The following NUP155 variants were observed in gnomAD, a reference collection of about 807,000 sequenced individuals.
NUP155 encodes the protein nucleoporin 155, also known as nuclear pore complex protein Nup155.
NUP155 carries 71 observed loss-of-function variants against 180.4 expected under a neutral mutation model. That is an observed-to-expected ratio of 0.39 (90% CI 0.33 to 0.48). NUP155 has a LOEUF of 0.48. NUP155 is among the 20% of genes least tolerant of loss of function. NUP155 has a pLI of 0.91. For synonymous variants in NUP155, 582 were observed against 559.5 expected (o/e 1.04, Z -0.57); for missense variants, 1,553 against 1,648.9 (o/e 0.94, Z 1.01).
At chr5:37,313,168 C>T (rs913225633) in intron 22 of NUP155, among the ~76,000 whole-genome samples, 7 of 151,964 alleles carry the variant, frequency 4.6e-5, no homozygotes, top group East Asian at 1.9e-4. Flanking sequence ...TGGTGGGTCA[C>T]GTCTGTAATC....
At chr5:37,298,125 C>T (rs1169406908) in intron 32 of NUP155, among the ~76,000 whole-genome samples, 3 of 151,724 alleles carry the variant, frequency 2.0e-5, no homozygotes, top group South Asian at 4.2e-4. Flanking sequence ...TGTAATCCCA[C>T]CTACTTGGGA....
intron 21 of NUP155, 100 bp downstream of exon 21, chr5:37,317,888 T>TTA: frequency 1.3e-6 from 1 of 795,192 alleles, no homozygotes; most frequent in South Asian, 1.4e-5. Context: ...AATATTTGTG[T>TTA]ACAAAGTACA....
intron 3 of NUP155, among the ~76,000 whole-genome samples, chr5:37,360,787 G>GC (rs1747158197): frequency 7.5e-6 from 1 of 133,210 alleles, no homozygotes; most frequent in African/African-American, 3.0e-5. Flanking sequence ...TAAAAAAAAA[G>GC]GGGGGGGGGT....
At chr5:37,359,486 C>T (rs1289195693) in intron 3 of NUP155, among the ~76,000 whole-genome samples, 1 of 152,012 alleles carries the variant, frequency 6.6e-6, no homozygotes, top group Admixed American at 6.6e-5. Context: ...GAAAAAATCT[C>T]CAGTAAACCA....
chr5:37,370,724 G>A (rs962451449), intron 1 of NUP155, 97 bp downstream of exon 1: 21 of 1,611,974 alleles, frequency 1.3e-5, no homozygotes, highest in East Asian at 6.7e-5. Flanking sequence ...ATAAATCTCA[G>A]CATATCCTCG....
intron 32 of NUP155, among the ~76,000 whole-genome samples, chr5:37,295,032 T>G (rs776270057): frequency 1.3e-5 from 2 of 152,052 alleles, no homozygotes; most frequent in Non-Finnish European, 2.9e-5. Context: ...TTAAAAAAAA[T>G]AGGTTTCCTG....
chr5:37,324,776 C>T (rs1240352077), intron 19 of NUP155, among the ~76,000 whole-genome samples: 1 of 152,170 alleles, frequency 6.6e-6, no homozygotes, highest in East Asian at 1.9e-4. Context: ...TGGTCCTGAA[C>T]TCCTGGGCTC....
intron 1 of NUP155, among the ~76,000 whole-genome samples, chr5:37,367,776 G>A (rs900502346): frequency 2.1e-4 from 31 of 150,080 alleles, no homozygotes; most frequent in African/African-American, 7.6e-4. Context: ...CTCGTGATCC[G>A]CCCACCTGGG....
At chr5:37,303,231 T>C in intron 28 of NUP155, 29 bp downstream of exon 28, 1 of 1,612,582 alleles carries the variant, frequency 6.2e-7, no homozygotes, top group Non-Finnish European at 8.5e-7. Context: ...TTTTGAATCA[T>C]TCTTCACAAT....
chr5:37,333,286 C>A (rs1422867115), intron 13 of NUP155, among the ~76,000 whole-genome samples, 177 bp downstream of exon 13: 1 of 151,732 alleles, frequency 6.6e-6, no homozygotes, highest in African/African-American at 2.4e-5. Flanking sequence ...TCTGGGGAGG[C>A]AGAGGTTGCA....
In NUP155 at chr5:37,305,093, A is replaced by T; in HGVS notation, c.3021T>A (p.Asp1007Glu). ...KKPGPPVLSS[D>E]PNMLSNEEAG... ...CTTCTTCATTACTCAGCATATTTGG[A>T]TCAGATGACAACACTGGAGGACCAG... The change falls in exon 26 of 35, where the codon GAT becomes GAA. Residue 1007 changes from aspartate to glutamate, a missense_variant. By Grantham distance (45) the Asp-to-Glu change is conservative. Coordinates refer to ENST00000231498, the MANE Select transcript of NUP155 (RefSeq NM_153485.3). The T allele has an allele frequency of 6.2e-7, 1 of 1,613,886 alleles. No homozygotes were observed. The highest frequency in any genetic ancestry group is 8.5e-7 in the Non-Finnish European group (1 of 1,180,038).
rs371935922 is a variant in NUP155, at chr5:37,299,430, C to T, written c.3682+18G>A. 112 of 1,613,812 alleles carry T rather than the reference C, an allele frequency of 6.9e-5. No individual in the cohort carries two copies. Among genetic ancestry groups the T allele is most frequent in the Non-Finnish European group, 8.6e-5 (101 of 1,179,914 alleles). On this transcript the variant is annotated intron_variant, in intron 31 of 34. Coordinates refer to ENST00000231498, the MANE Select transcript of NUP155 (RefSeq NM_153485.3). ...CACTACATAACGTATGCTAACATAC[C>T]TATAACTGAACACTTACCTTTCTCT...
intron 4 of NUP155, 36 bp from the exon 5 acceptor site, chr5:37,352,865 A>T (rs901426822): frequency 1.0e-5 from 14 of 1,388,722 alleles, no homozygotes; most frequent in Non-Finnish European, 1.3e-5. Flanking sequence ...GAATACTTTC[A>T]GCATTTAAGC....
At position 37,310,645 on chromosome 5, in the gene NUP155, G is replaced by A. The variant is rs368079163; in HGVS notation, c.2535C>T (p.Tyr845=). The A allele has an allele frequency of 6.8e-6, 11 of 1,613,386 alleles. No individual in the cohort carries two copies. Among genetic ancestry groups the A allele is most frequent in the Admixed American group, 5.0e-5 (3 of 59,982 alleles). ...GALIASLINC[Y]IRDNAAVDGI... The stretch of plus-strand genomic sequence containing the variant: ...CATCAACAGCGGCATTATCTCTGAT[G>A]TAGCAGTTGATAAGAGAAGCAATTA... The change falls in exon 23 of 35, where the codon TAC becomes TAT. Residue 845 remains tyrosine (Y), a synonymous_variant. Coordinates refer to ENST00000231498, the MANE Select transcript of NUP155 (RefSeq NM_153485.3).
rs538408616 is a variant in NUP155, at chr5:37,354,918, C to G, written c.464-2089G>C. 2.6e-3 allele frequency among the ~76,000 whole-genome samples: 396 copies of G among 151,756 alleles called. 4 individuals carry two copies. Among genetic ancestry groups the G allele is most frequent in the African/African-American group, 8.9e-3 (368 of 41,438 alleles). On this transcript the variant is annotated intron_variant, in intron 4 of 34. Transcript: ENST00000231498. ...ACCAGCCTGACCAACATGGTGAAACCCTGTCTCTACTAAAAATACAAAAAT... is the reference window on the plus strand; with the variant it reads ...ACCAGCCTGACCAACATGGTGAAACGCTGTCTCTACTAAAAATACAAAAAT...
At chr5:37,360,878 T>C (rs947198535) in intron 3 of NUP155, among the ~76,000 whole-genome samples, 4 of 150,450 alleles carry the variant, frequency 2.7e-5, no homozygotes, top group South Asian at 2.1e-4. Context: ...AGACAGAAAG[T>C]GGAAAAACAA....
intron 24 of NUP155, among the ~76,000 whole-genome samples, chr5:37,307,952 A>T (rs12521379): frequency 0.063 from 5,557 of 87,556 alleles, 338 homozygotes; most frequent in African/African-American, 0.21. Context: ...GAAAAAAAAA[A>T]ATATATATAT....
chr5:37,293,584 A>C (rs1742347198), intron 33 of NUP155, among the ~76,000 whole-genome samples: 1 of 152,244 alleles, frequency 6.6e-6, no homozygotes, highest in African/African-American at 2.4e-5. Flanking sequence ...TATCCTTAGC[A>C]TAAAAATTAC....
intron 9 of NUP155, among the ~76,000 whole-genome samples, chr5:37,343,501 T>C (rs1745876209): frequency 6.6e-6 from 1 of 152,098 alleles, no homozygotes; most frequent in Admixed American, 6.6e-5. Flanking sequence ...GTAACCCTAT[T>C]TTCAAACAAA....
Sources: allele counts gnomAD v4.1 joint callset (sites outside exome capture counted in the v4.1 genomes callset), GRCh38; gene constraint gnomAD v4.1.1; transcripts MANE v1.5; gene names NCBI Gene and HGNC (gene_info 2026-07-23, HGNC 2026-07-21).